LRRC57: variants seen among roughly 807,000 people sequenced by gnomAD.
LRRC57 encodes the protein leucine rich repeat containing 57, also known as leucine-rich repeat-containing protein 57.
A neutral mutation model predicts 23.1 loss-of-function variants in LRRC57; 14 were observed. That is an observed-to-expected ratio of 0.61 (90% CI 0.40 to 0.95). LRRC57 has a LOEUF of 0.95. Ranked by LOEUF, LRRC57 falls within the 40% of genes least tolerant of loss-of-function variation. The probability of loss-of-function intolerance (pLI) is 0.00; values close to 1 mark genes in which losing one functional copy is unlikely to be tolerated. For missense variants in LRRC57, 236 were observed against 284.4 expected (o/e 0.83, Z 1.22); for synonymous variants, 106 against 115.2 (o/e 0.92, Z 0.51).
At position 42,538,095 on chromosome 15, in the gene LRRC57, CAT is replaced by C. The variant is rs2057609950; in HGVS notation, c.*5986_*5987del. 1.3e-5 allele frequency: 2 copies of C among 152,130 alleles called. No homozygotes were observed. The highest frequency in any genetic ancestry group is 3.8e-4 in the East Asian group (2 of 5,200). 9.4% of individuals were successfully genotyped at this position (152,130 alleles called of 1,614,324 possible). ...GATAAATGTTTGAGATAATGAATAA[CAT>C]AAATATCCTGACTTGATCATTATAC... On this transcript the variant is annotated 3_prime_UTR_variant, in exon 6 of 6. Transcript: ENST00000397130.
rs143353253 is a variant in LRRC57, at chr15:42,544,347, G to A, written c.679-223C>T. ...GGAGGCCAAGGTAGGTGGATCGCTT[G>A]AGCCTAGGAGTTTCAGACCAGCCTG... is the stretch of plus-strand genomic sequence containing the variant. On this transcript the variant is annotated intron_variant, in intron 5 of 5. Coordinates refer to ENST00000397130, the MANE Select transcript of LRRC57 (RefSeq NM_153260.3). Among the ~76,000 whole-genome samples, 458 of 150,824 alleles carry A rather than the reference G, an allele frequency of 3.0e-3. 3 individuals are homozygous for A. Among genetic ancestry groups the A allele is most frequent in the Admixed American group, 3.3e-3 (50 of 15,154 alleles).
At chr15:42,529,913 A>C in the LRRC57 span, 8 of 1,340,910 alleles carry the variant, frequency 6.0e-6, no homozygotes, top group Non-Finnish European at 7.2e-6. Context: ...GACACGGTAG[A>C]ATAAGCTCCT....
rs1313358026 is a variant in LRRC57, at chr15:42,538,172, A to C, written c.*5911T>G. 1 of 152,182 alleles carries C rather than the reference A, an allele frequency of 6.6e-6. No individual in the cohort carries two copies. The highest frequency in any genetic ancestry group is 2.4e-5 in the African/African-American group (1 of 41,446). The allele number at this position is 152,182 out of a possible 1,614,324, so 9.4% of individuals were successfully genotyped here. On this transcript the variant is annotated 3_prime_UTR_variant, in exon 6 of 6. Coordinates refer to ENST00000397130, the MANE Select transcript of LRRC57 (RefSeq NM_153260.3). ...ACAAGTACCCCATAAATATGAACAA[A>C]TATATATCAGAAAAATAGTAAAGTG... is the stretch of plus-strand genomic sequence containing the variant.
rs992992241 is a variant in LRRC57, at chr15:42,538,412, C to T, written c.*5671G>A. ...AATAAAAGAATGGCTACTCCATAGG[C>T]AGAGCAGCCTATTTTTTATTATTTT... On this transcript the variant is annotated 3_prime_UTR_variant, in exon 6 of 6. Transcript: ENST00000397130. The T allele has an allele frequency of 3.9e-5, 6 of 152,140 alleles. No homozygotes were observed. Among genetic ancestry groups the T allele is most frequent in the Admixed American group, 6.6e-5 (1 of 15,262 alleles). 9.4% of individuals were successfully genotyped at this position (152,140 alleles called of 1,614,324 possible).
At position 42,548,489 on chromosome 15, in the gene LRRC57, G is replaced by C. The variant is rs1595541447; in HGVS notation, c.-22-33C>G. Reference sequence around the variant, plus strand: ...AAGGAAGCGCTGCTGTCACCGCCCAGTCCACCCGGTCGGCCTCCCGGCTGG... The same window carrying C: ...AAGGAAGCGCTGCTGTCACCGCCCACTCCACCCGGTCGGCCTCCCGGCTGG... On this transcript the variant is annotated intron_variant, in intron 1 of 5. Coordinates refer to ENST00000397130, the MANE Select transcript of LRRC57 (RefSeq NM_153260.3). 1.5e-5 allele frequency: 24 copies of C among 1,574,318 alleles called. No individual in the cohort carries two copies. In the African/African-American group the frequency reaches 2.0e-4, roughly 13 times the overall value.
rs938124449 is a variant in LRRC57, at chr15:42,541,166, G to A, written c.*2917C>T. ...TTAGAAAAAACAAAACTCCTAAACT[G>A]GTATGGATAAACTAGTACCCCTTTC... On this transcript the variant is annotated 3_prime_UTR_variant, in exon 6 of 6. Transcript: ENST00000397130. 2 of 152,082 alleles carry A rather than the reference G, an allele frequency of 1.3e-5. No individual in the cohort carries two copies. The highest frequency in any genetic ancestry group is 4.8e-5 in the African/African-American group (2 of 41,388). 9.4% of individuals were successfully genotyped at this position (152,082 alleles called of 1,614,324 possible). A position where few individuals can be genotyped will look rare whatever the true frequency, so the allele number is the denominator to read the frequency against.
rs2057629806 is a variant in LRRC57, at chr15:42,541,648, A to G, written c.*2435T>C. 1.3e-5 allele frequency: 2 copies of G among 152,302 alleles called. No homozygotes were observed. The highest frequency in any genetic ancestry group is 4.8e-5 in the African/African-American group (2 of 41,578). 9.4% of individuals were successfully genotyped at this position (152,302 alleles called of 1,614,324 possible). Reference sequence around the variant, plus strand: ...CCATTATTGAGAACTGTTGATATATAGTTAGTAATAGCTTTGTGACTAAGA... The same window carrying G: ...CCATTATTGAGAACTGTTGATATATGGTTAGTAATAGCTTTGTGACTAAGA... On this transcript the variant is annotated 3_prime_UTR_variant, in exon 6 of 6. Coordinates refer to ENST00000397130, the MANE Select transcript of LRRC57 (RefSeq NM_153260.3).
chr15:42,548,412 G>A lies in LRRC57; in HGVS notation c.23C>T (p.Ala8Val). The change falls in exon 2 of 6, where the codon GCT becomes GTT. Residue 8 changes from alanine (A) to valine (V), a missense_variant. By Grantham distance (64) the Ala-to-Val change is moderately conservative. Transcript: ENST00000397130. Reference sequence around the variant, plus strand: ...AGTTTTCTGCGCCGTTTCCACATGAGCGCGGAGCGCACTGTTTCCCATCCT... The same window carrying A: ...AGTTTTCTGCGCCGTTTCCACATGAACGCGGAGCGCACTGTTTCCCATCCT... MGNSALRAHVETAQKTGV... is the reference protein window; with the variant it reads MGNSALRVHVETAQKTGV... 1 of 1,614,048 alleles carries A rather than the reference G, an allele frequency of 6.2e-7. No homozygotes were observed. The highest frequency in any genetic ancestry group is 8.5e-7 in the Non-Finnish European group (1 of 1,180,038).
rs2057629616 is a variant in LRRC57 at position 42,541,637 on chromosome 15, T to A, written c.*2446A>T. 6.6e-6 allele frequency: 1 copy of A among 152,208 alleles called. No individual in the cohort carries two copies. Among genetic ancestry groups the A allele is most frequent in the Non-Finnish European group, 1.5e-5 (1 of 68,032 alleles). 9.4% of individuals were successfully genotyped at this position (152,208 alleles called of 1,614,324 possible). ...GCTAGGTTTAACCATTATTGAGAAC[T>A]GTTGATATATAGTTAGTAATAGCTT... On this transcript the variant is annotated 3_prime_UTR_variant, in exon 6 of 6. Coordinates refer to ENST00000397130, the MANE Select transcript of LRRC57 (RefSeq NM_153260.3).
chr15:42,536,938 T>C (rs1436279072), downstream of LRRC57, among the ~76,000 whole-genome samples: 1 of 152,224 alleles, frequency 6.6e-6, no homozygotes, highest in Non-Finnish European at 1.5e-5. Flanking sequence ...ATAACCATAA[T>C]GATCTGTGTC....
At chr15:42,545,719 G>A (rs1455140415) in intron 4 of LRRC57, among the ~76,000 whole-genome samples, 1 of 152,070 alleles carries the variant, frequency 6.6e-6, no homozygotes, top group Admixed American at 6.6e-5. Context: ...GCATTTAACT[G>A]TACTATCTAT....
At chr15:42,534,060 A>C (rs917213353), downstream of LRRC57, among the ~76,000 whole-genome samples, 1 of 152,140 alleles carries the variant, frequency 6.6e-6, no homozygotes, top group South Asian at 2.1e-4. Context: ...CCACATCTGT[A>C]CTAAACATAC....
At chr15:42,537,250 C>CACACACACACACACACACACACACACAT (rs1566823899), downstream of LRRC57, among the ~76,000 whole-genome samples, 6 of 151,436 alleles carry the variant, frequency 4.0e-5, no homozygotes, top group African/African-American at 1.5e-4. Context: ...CACACACACA[C>CACACACACACACACACACACACACACAT]ACACACACAC....
In LRRC57 at chr15:42,548,414, G is replaced by T. The variant is rs746426342; in HGVS notation, c.21C>A (p.Arg7=). 1.2e-6 allele frequency: 2 copies of T among 1,613,898 alleles called. No homozygotes were observed. The highest frequency in any genetic ancestry group is 1.3e-5 in the African/African-American group (1 of 74,926). The change falls in exon 2 of 6, where the codon CGC becomes CGA. Residue 7 remains arginine, a synonymous_variant. Coordinates refer to ENST00000397130, the MANE Select transcript of LRRC57 (RefSeq NM_153260.3). The part of the protein sequence containing the change: MGNSAL[R]AHVETAQKTG... ...TTTTCTGCGCCGTTTCCACATGAGC[G>T]CGGAGCGCACTGTTTCCCATCCTAG... is the stretch of plus-strand genomic sequence containing the variant.
chr15:42,535,500 C>A (rs1391361348), downstream of LRRC57, among the ~76,000 whole-genome samples: 1 of 149,320 alleles, frequency 6.7e-6, no homozygotes, highest in Non-Finnish European at 1.5e-5. Context: ...GGCTGGAGTA[C>A]AATGGTGCGA....
At chr15:42,533,731 G>A, downstream of LRRC57, among the ~76,000 whole-genome samples, 1 of 152,284 alleles carries the variant, frequency 6.6e-6, no homozygotes, top group South Asian at 2.1e-4. Flanking sequence ...GTCTGTAAAT[G>A]CAGATTAATA....
intron 3 of LRRC57, chr15:42,547,743 G>C (rs1244483894): frequency 8.8e-6 from 5 of 567,976 alleles, no homozygotes; most frequent in Non-Finnish European, 1.5e-5. Context: ...GTGTATAATG[G>C]GCTCCTTTTG....
chr15:42,548,613 C>A, intron 1 of LRRC57, 80 bp downstream of exon 1: 1 of 656,252 alleles, frequency 1.5e-6, no homozygotes, highest in Non-Finnish European at 2.6e-6. Flanking sequence ...GCCCGACCAC[C>A]AAGCCCTGCC....
intron 4 of LRRC57, among the ~76,000 whole-genome samples, chr15:42,546,611 TCA>T (rs964612058): frequency 7.2e-5 from 11 of 152,322 alleles, no homozygotes; most frequent in African/African-American, 2.4e-4. Flanking sequence ...CCATCCAGTC[TCA>T]CAGTGTTTAA....
Sources: gnomAD v4.1 joint callset for allele counts (sites outside exome capture counted in the v4.1 genomes callset) on GRCh38, gnomAD v4.1.1 for gene constraint, MANE v1.5 for transcripts, NCBI Gene and HGNC (gene_info 2026-07-23, HGNC 2026-07-21) for gene names.